The following NPAS2 variants were observed in gnomAD, a reference collection of about 807,000 sequenced individuals.
NPAS2 encodes the protein neuronal PAS domain protein 2, also known as neuronal PAS domain-containing protein 2.
Under a neutral mutation model 107.5 loss-of-function variants are expected in NPAS2, and 23 were observed. The ratio of observed to expected loss-of-function variants is 0.21; its 90% CI spans 0.15 to 0.30. The LOEUF (loss-of-function observed/expected upper bound fraction) is 0.30. Ranked by LOEUF, NPAS2 falls within the 10% of genes least tolerant of loss-of-function variation. The pLI is 1.00. For synonymous variants in NPAS2, 403 were observed against 417.5 expected, an observed-to-expected ratio of 0.97 and a Z score of 0.42; for missense variants, 756 against 1,043.3, an observed-to-expected ratio of 0.72 and a Z score of 3.79.
intron 1 of NPAS2, among the ~76,000 whole-genome samples, chr2:100,821,631 C>T (rs1397677280): frequency 6.6e-6 from 1 of 152,174 alleles, no homozygotes; most frequent in African/African-American, 2.4e-5. Flanking sequence ...ACATCTCTGC[C>T]AGCATCTCTC....
chr2:100,951,362 A>G (rs74505191), intron 7 of NPAS2, among the ~76,000 whole-genome samples: 2,261 of 152,344 alleles, frequency 0.015, 41 homozygotes, highest in East Asian at 0.072. Flanking sequence ...GGAAGACAGG[A>G]ACTTGAGAGA....
At chr2:100,882,134 C>G (rs1680388863) in intron 1 of NPAS2, among the ~76,000 whole-genome samples, 2 of 152,148 alleles carry the variant, frequency 1.3e-5, no homozygotes, top group Non-Finnish European at 1.5e-5. Flanking sequence ...AGGAAGTCAC[C>G]AAGAGGTTCA....
intron 1 of NPAS2, among the ~76,000 whole-genome samples, chr2:100,854,888 T>C (rs1231680335): frequency 6.6e-6 from 1 of 152,196 alleles, no homozygotes; most frequent in African/African-American, 2.4e-5. Flanking sequence ...AAATGTTGAG[T>C]GCTGGACCCT....
At chr2:100,939,009 G>C (rs1485055111) in intron 5 of NPAS2, among the ~76,000 whole-genome samples, 1 of 152,088 alleles carries the variant, frequency 6.6e-6, no homozygotes, top group South Asian at 2.1e-4. Context: ...GGAGGACCGC[G>C]GTTCCCTCTC....
chr2:100,855,943 C>T (rs770624572), intron 1 of NPAS2, among the ~76,000 whole-genome samples: 1 of 152,162 alleles, frequency 6.6e-6, no homozygotes, highest in East Asian at 1.9e-4. Flanking sequence ...GGTTGGAGTC[C>T]GTACTGCCTT....
chr2:100,889,508 A>G (rs1270146079), intron 1 of NPAS2, among the ~76,000 whole-genome samples: 1 of 152,118 alleles, frequency 6.6e-6, no homozygotes, highest in East Asian at 1.9e-4. Context: ...TTCTCTGCCT[A>G]CTGGTTGGTC....
At chr2:100,936,948 C>T (rs1051023211) in intron 4 of NPAS2, among the ~76,000 whole-genome samples, 5 of 144,674 alleles carry the variant, frequency 3.5e-5, no homozygotes, top group Non-Finnish European at 7.5e-5. Context: ...TGCCACTGCA[C>T]TCCAGCCTGG....
At chr2:100,866,009 G>T (rs529343280) in intron 1 of NPAS2, among the ~76,000 whole-genome samples, 2 of 152,074 alleles carry the variant, frequency 1.3e-5, no homozygotes, top group African/African-American at 4.8e-5. Flanking sequence ...AGGGTGACCC[G>T]CCCCTCTTCA....
chr2:100,893,298 C>T (rs1681199086), intron 1 of NPAS2, among the ~76,000 whole-genome samples: 1 of 152,346 alleles, frequency 6.6e-6, no homozygotes, highest in African/African-American at 2.4e-5. Context: ...ACAGAAGGTA[C>T]ACACTCTGTC....
At chr2:100,967,237 CTTTTTTTTTTT>C (rs58558247) in intron 10 of NPAS2, among the ~76,000 whole-genome samples, 40 of 100,546 alleles carry the variant, frequency 4.0e-4, no homozygotes, top group South Asian at 3.5e-3. Context: ...AGTCAGTGTC[CTTTTTTTTTTT>C]TTTTTTTTTT....
intron 2 of NPAS2, among the ~76,000 whole-genome samples, chr2:100,914,917 G>A (rs1481547847): frequency 1.3e-5 from 2 of 152,098 alleles, no homozygotes; most frequent in African/African-American, 2.4e-5. Context: ...CCAGCAGCGA[G>A]TTCACCATTT....
At chr2:100,873,303 T>TAC (rs1553447436) in intron 1 of NPAS2, among the ~76,000 whole-genome samples, 148 of 45,958 alleles carry the variant, frequency 3.2e-3, no homozygotes, top group Non-Finnish European at 5.5e-3. Context: ...TATATATATA[T>TAC]ATATACACAC....
At position 100,996,296 on chromosome 2, in the gene NPAS2, C is replaced by T. The variant is rs1429096375; in HGVS notation, c.*714C>T. On this transcript the variant is annotated 3_prime_UTR_variant, in exon 21 of 21. Transcript: ENST00000335681. ...CATGCTGGTGGTGATTTTTTAGCCCCTAAATAAAACACTGGACTATTTCCT... is the reference window on the plus strand; with the variant it reads ...CATGCTGGTGGTGATTTTTTAGCCCTTAAATAAAACACTGGACTATTTCCT... The T allele has an allele frequency of 6.2e-6, 1 of 160,928 alleles. No homozygotes were observed. Among genetic ancestry groups the T allele is most frequent in the African/African-American group, 2.4e-5 (1 of 41,494 alleles). 10.0% of individuals were successfully genotyped at this position (160,928 alleles called of 1,614,324 possible). A position where few individuals can be genotyped will look rare whatever the true frequency, so the allele number is the denominator to read the frequency against.
In NPAS2 at chr2:100,974,804, A is replaced by G. The variant is rs1676856288; in HGVS notation, c.1142A>G (p.Asp381Gly). The G allele has an allele frequency of 6.2e-7, 1 of 1,613,592 alleles. No homozygotes were observed. The highest frequency in any genetic ancestry group is 1.7e-5 in the Admixed American group (1 of 59,942). ...GACTGTTTGATGTGTGTGTTTCAGG[A>G]CAAGGGCTCAAGCCTGGAACCTCGG... is the stretch of plus-strand genomic sequence containing the variant. ...SEALHSSALK[D>G]KGSSLEPRQH... is the part of the protein sequence containing the mutation. The change falls in exon 13 of 21, where the codon GAC becomes GGC. Residue 381 changes from aspartate (D) to glycine (G), a missense_variant and splice_region_variant. This residue lies in a region of NPAS2 where 496 missense variants were observed against 594.4 expected (regional missense o/e 0.83). Transcript: ENST00000335681.
rs80279108 is a variant in NPAS2 at position 100,901,752 on chromosome 2, C to T, written c.-22-2981C>T. The T allele has an allele frequency of 2.5e-3, 387 of 157,324 alleles. 5 individuals are homozygous for T. The highest frequency in any genetic ancestry group is 9.5e-3 in the East Asian group (49 of 5,184). The allele number at this position is 157,324 out of a possible 1,614,324, so 9.7% of individuals were successfully genotyped here. A position where few individuals can be genotyped will look rare whatever the true frequency, so the allele number is the denominator to read the frequency against. On this transcript the variant is annotated intron_variant, in intron 1 of 20. Transcript: ENST00000335681. The stretch of plus-strand genomic sequence containing the variant: ...ACAGGTGTTCACAGCTCTGCCGTTC[C>T]CCACCTCAGGTAACCACACTGTCCC...
intron 1 of NPAS2, among the ~76,000 whole-genome samples, chr2:100,862,547 G>C (rs2104533889): frequency 6.6e-6 from 1 of 152,296 alleles, no homozygotes; most frequent in Non-Finnish European, 1.5e-5. Flanking sequence ...TCAGGGCATG[G>C]TGATCCAGCG....
rs58399667 is a variant in NPAS2 at position 100,856,388 on chromosome 2, GC to G, written c.-23+35979del. Among the ~76,000 whole-genome samples, 329 of 152,290 alleles carry G rather than the reference GC, an allele frequency of 2.2e-3. 2 individuals are homozygous for G. Among genetic ancestry groups the G allele is most frequent in the African/African-American group, 7.5e-3 (312 of 41,548 alleles). On this transcript the variant is annotated intron_variant, in intron 1 of 20. Transcript: ENST00000335681. ...CCCAATGCTGTCTGCTTTCTCACAA[GC>G]CCCCGGTCCTTGGTGCAGATCCAGT...
intron 1 of NPAS2, among the ~76,000 whole-genome samples, chr2:100,899,134 G>T (rs545394247): frequency 6.6e-6 from 1 of 152,124 alleles, no homozygotes; most frequent in Non-Finnish European, 1.5e-5. Context: ...AGCGTGCTGG[G>T]GTGTCCTGGA....
intron 3 of NPAS2, among the ~76,000 whole-genome samples, chr2:100,926,371 G>T (rs1304890289): frequency 6.6e-6 from 1 of 152,162 alleles, no homozygotes; most frequent in Non-Finnish European, 1.5e-5. Context: ...AAGGTGGCTT[G>T]TACCTATTTA....
Sources: gnomAD v4.1 joint callset for allele counts (sites outside exome capture counted in the v4.1 genomes callset) on GRCh38, gnomAD v4.1.1 for gene constraint, gnomAD v4.1.1 regional missense constraint, MANE v1.5 for transcripts, NCBI Gene and HGNC (gene_info 2026-07-23, HGNC 2026-07-21) for gene names.